The following SPDYE21 variants were observed in gnomAD, a reference collection of about 807,000 sequenced individuals.
The protein encoded by SPDYE21 is speedy protein E21.
Under a neutral mutation model 36.2 loss-of-function variants are expected in SPDYE21, and 14 were observed. The ratio of observed to expected loss-of-function variants is 0.39; its 90% CI spans 0.26 to 0.61. The LOEUF (loss-of-function observed/expected upper bound fraction) is 0.61, where lower values mean the gene tolerates loss of function less well. SPDYE21 is among the 20% of genes least tolerant of loss of function. SPDYE21 has a pLI of 0.55. For synonymous variants in SPDYE21, 58 were observed against 155.1 expected (o/e 0.37, Z 4.65); for missense variants, 233 against 424.6 (o/e 0.55, Z 3.97).
chr7:67,285,051 A>G (rs780193991), intron 6 of SPDYE21, among the ~76,000 whole-genome samples: 4 of 151,760 alleles, frequency 2.6e-5, no homozygotes, highest in Non-Finnish European at 5.9e-5. Context: ...AAGTCAGTTC[A>G]CCCACAGCCT....
chr7:67,283,810 T>C, intron 5 of SPDYE21, 103 bp from the exon 6 acceptor site: 1 of 851,894 alleles, frequency 1.2e-6, no homozygotes, highest in Non-Finnish European at 2.0e-6. Flanking sequence ...TGAGGTCCCT[T>C]CTCTGATGGG....
chr7:67,277,120 G>C (rs1194578442), intron 1 of SPDYE21, among the ~76,000 whole-genome samples, 58 bp downstream of exon 1: 1 of 152,006 alleles, frequency 6.6e-6, no homozygotes, highest in African/African-American at 2.4e-5. Flanking sequence ...GGAGCACAAT[G>C]GTGCGATCTT....
Position 67,283,967 on chromosome 7 carries a change from C to T in SPDYE21, c.724C>T (p.Gln242Ter), listed in dbSNP as rs1584748771. 1.2e-6 allele frequency: 2 copies of T among 1,600,914 alleles called. No homozygotes were observed. Among genetic ancestry groups the T allele is most frequent in the Admixed American group, 1.7e-5 (1 of 59,966 alleles). Residue 242 changes from glutamine to a stop codon, truncating the protein, a stop_gained, in exon 6 of 9, where the codon CAA (glutamine) becomes TAA (stop). Transcript: ENST00000424157. LOFTEE classifies it high-confidence loss of function. Reference protein sequence around the residue: ...YFSRAGLPSWQYQRIHFFLAL... With the variant: ...YFSRAGLPSW ...CAGCCGGGCCGGCCTCCCCTCCTGG[C>T]AATACCAACGCATTCATTTCTTCCT... is the stretch of plus-strand genomic sequence containing the variant.
intron 2 of SPDYE21, among the ~76,000 whole-genome samples, 194 bp downstream of exon 2, chr7:67,279,067 C>T (rs10258270): frequency 1.3e-5 from 2 of 151,106 alleles, no homozygotes; most frequent in African/African-American, 4.9e-5. Context: ...TAAAAATTAG[C>T]CAAGTGGTAG....
At chr7:67,282,551 C>A (rs537943201) in intron 4 of SPDYE21, 84 bp from the exon 5 acceptor site, 36 of 1,590,508 alleles carry the variant, frequency 2.3e-5, no homozygotes, top group Non-Finnish European at 1.8e-5. Flanking sequence ...GACTTCCCCC[C>A]GGGAGGCACA....
At chr7:67,284,318 G>A (rs1393266576) in intron 6 of SPDYE21, among the ~76,000 whole-genome samples, 2 of 151,560 alleles carry the variant, frequency 1.3e-5, no homozygotes, top group East Asian at 1.9e-4. Flanking sequence ...GCGTGGTGGT[G>A]TGCATCTGTA....
intron 6 of SPDYE21, among the ~76,000 whole-genome samples, chr7:67,284,820 A>G (rs1421242064): frequency 2.0e-5 from 3 of 151,914 alleles, no homozygotes; most frequent in African/African-American, 4.8e-5. Context: ...TGCCCACCTG[A>G]ACAACTTCCT....
intron 1 of SPDYE21, among the ~76,000 whole-genome samples, chr7:67,277,930 C>T (rs1802567258): frequency 7.5e-6 from 1 of 133,682 alleles, no homozygotes; most frequent in Non-Finnish European, 1.6e-5. Context: ...TGTGTGAGCT[C>T]AGGGGCAGTT....
At chr7:67,280,533 T>A (rs1352050338) in intron 3 of SPDYE21, among the ~76,000 whole-genome samples, 1 of 149,908 alleles carries the variant, frequency 6.7e-6, no homozygotes, top group Non-Finnish European at 1.5e-5. Flanking sequence ...GAAACCTCAT[T>A]TATACTAACA....
Position 67,286,122 on chromosome 7 carries a change from C to T in SPDYE21, c.834C>T (p.Arg278=). Residue 278 remains arginine (R), a synonymous_variant, in exon 7 of 9, where the codon CGC becomes CGT. Coordinates refer to ENST00000424157, the MANE Select transcript of SPDYE21 (RefSeq NM_001382715.2). ...NIFHFLYGKT[R]SRIPLLRKRW... is the part of the protein sequence containing the mutation. ...TCCACTTCCTGTATGGGAAGACCCG[C>T]TCTCGCATACCCTTGCTCCGTAAGC... The T allele has an allele frequency of 1.2e-6, 2 of 1,612,482 alleles. No homozygotes were observed. The highest frequency in any genetic ancestry group is 1.7e-6 in the Non-Finnish European group (2 of 1,179,086).
chr7:67,288,949 C>G lies in SPDYE21; in HGVS notation c.*1477C>G, dbSNP rs202090041. ...GTGTTTTCAAGAGAACAATAGAGTG[C>G]GTCTCTTGGGGAAACATAATAAAAA... On this transcript the variant is annotated 3_prime_UTR_variant, in exon 9 of 9. Coordinates refer to ENST00000424157, the MANE Select transcript of SPDYE21 (RefSeq NM_001382715.2). Among the ~76,000 whole-genome samples, 108 of 145,284 alleles carry G rather than the reference C, an allele frequency of 7.4e-4. No homozygotes were observed. The South Asian group carries it at 0.011, about 14-fold the overall frequency.
At chr7:67,280,198 G>A (rs1802607952) in intron 3 of SPDYE21, among the ~76,000 whole-genome samples, 162 bp downstream of exon 3, 2 of 152,340 alleles carry the variant, frequency 1.3e-5, no homozygotes, top group Admixed American at 1.3e-4. Context: ...CTTAGGAGAC[G>A]ATAGAGGACT....
chr7:67,287,343 A>G (rs1802757013), intron 8 of SPDYE21, among the ~76,000 whole-genome samples, 175 bp from the exon 9 acceptor site: 3 of 152,108 alleles, frequency 2.0e-5, no homozygotes, highest in South Asian at 2.1e-4. Context: ...GGTCACCAAA[A>G]TGTGAGTTTC....
At chr7:67,281,075 G>A (rs1310949468) in intron 3 of SPDYE21, among the ~76,000 whole-genome samples, 1 of 90,800 alleles carries the variant, frequency 1.1e-5, no homozygotes, top group Non-Finnish European at 2.0e-5. Flanking sequence ...AAGCAAGACT[G>A]TTTCGCAACA....
In SPDYE21 at chr7:67,288,103, A is replaced by C. The variant is rs1270188386; in HGVS notation, c.*631A>C. ...TGAGAGTTATAGTTGTTATATATAC[A>C]TAAAGATAATTTTCTTTTCATTTTT... On this transcript the variant is annotated 3_prime_UTR_variant, in exon 9 of 9. Transcript: ENST00000424157. Among the ~76,000 whole-genome samples, 1 of 151,680 alleles carries C rather than the reference A, an allele frequency of 6.6e-6. No individual in the cohort carries two copies. The highest frequency in any genetic ancestry group is 1.5e-5 in the Non-Finnish European group (1 of 67,944).
chr7:67,279,192 A>G (rs994273144), intron 2 of SPDYE21, among the ~76,000 whole-genome samples: 4 of 150,246 alleles, frequency 2.7e-5, no homozygotes, highest in Non-Finnish European at 5.9e-5. Flanking sequence ...CCAAAAAAAA[A>G]AAAAAGAAAA....
At position 67,287,687 on chromosome 7, in the gene SPDYE21, TTGGGGGAGGGGG is replaced by T. The variant is rs1802764275; in HGVS notation, c.*216_*227del. 1.1e-5 allele frequency among the ~76,000 whole-genome samples: 1 copy of T among 90,704 alleles called. No homozygotes were observed. Among genetic ancestry groups the T allele is most frequent in the African/African-American group, 4.6e-5 (1 of 21,712 alleles). 59.5% of individuals were successfully genotyped at this position (90,704 alleles called of 152,430 possible). On this transcript the variant is annotated 3_prime_UTR_variant, in exon 9 of 9. Coordinates refer to ENST00000424157, the MANE Select transcript of SPDYE21 (RefSeq NM_001382715.2). ...TCACGTGTCCTCCTGGGAGCAGGGGTTGGGGGAGGGGGGTGGGGTCCTTCTAGGAGTCCTTGG... is the reference window on the plus strand; with the variant it reads ...TCACGTGTCCTCCTGGGAGCAGGGGTGTGGGGTCCTTCTAGGAGTCCTTGG...
rs1161874093 is a variant in SPDYE21, at chr7:67,279,915, C to T, written c.258C>T (p.Leu86=). 50 of 1,590,232 alleles carry T rather than the reference C, an allele frequency of 3.1e-5. No homozygotes were observed. The highest frequency in any genetic ancestry group is 6.8e-5 in the Admixed American group (4 of 58,962). Residue 86 remains leucine (L), a synonymous_variant, in exon 3 of 9, where the codon CTC becomes CTT. Coordinates refer to ENST00000424157, the MANE Select transcript of SPDYE21 (RefSeq NM_001382715.2). ...DESEEEPEKE[L]APEPEETWVV... is the part of the protein sequence containing the mutation. ...CTGAGGAGGAGCCGGAGAAGGAGCT[C>T]GCCCCTGAGCCTGAGGAGACCTGGG...
chr7:67,280,248 G>A (rs1802608467), intron 3 of SPDYE21, among the ~76,000 whole-genome samples: 1 of 152,150 alleles, frequency 6.6e-6, no homozygotes, highest in East Asian at 1.9e-4. Flanking sequence ...GGATGAGAAA[G>A]CTTGGTTTCG....
Sources: gnomAD v4.1 joint callset for allele counts (sites outside exome capture counted in the v4.1 genomes callset) on GRCh38, gnomAD v4.1.1 for gene constraint, MANE v1.5 for transcripts, NCBI Gene and HGNC (gene_info 2026-07-23, HGNC 2026-07-21) for gene names.